LYST: variants seen among roughly 807,000 people sequenced by gnomAD.
The protein encoded by LYST is lysosomal trafficking regulator.
LYST carries 192 observed loss-of-function variants against 413.6 expected under a neutral mutation model. That is an observed-to-expected ratio of 0.46 (90% CI 0.41 to 0.52). The LOEUF (loss-of-function observed/expected upper bound fraction) is 0.52, where lower values mean the gene tolerates loss of function less well. Ranked by LOEUF, LYST falls within the 20% of genes least tolerant of loss-of-function variation. LYST has a pLI of 0.00. For missense variants in LYST, 3,815 were observed against 4,499.9 expected (o/e 0.85, Z 4.35); for synonymous variants, 1,525 against 1,567.3 (o/e 0.97, Z 0.64).
At position 235,851,832 on chromosome 1, in the gene LYST, C is replaced by T. The variant is rs575653853; in HGVS notation, c.-98+15011G>A. On this transcript the variant is annotated intron_variant, in intron 1 of 52. Coordinates refer to ENST00000389793, the MANE Select transcript of LYST (RefSeq NM_000081.4). ...AAATGCAGATCAGGGAAAGATATGA[C>T]ACTTAAAGTTCTAAATTAAATAACT... Among the ~76,000 whole-genome samples, 4 of 152,150 alleles carry T rather than the reference C, an allele frequency of 2.6e-5. No homozygotes were observed. The South Asian group carries it at 6.2e-4, about 24-fold the overall frequency.
chr1:235,792,401 G>A (rs541900373), intron 11 of LYST, among the ~76,000 whole-genome samples: 15 of 151,622 alleles, frequency 9.9e-5, no homozygotes, highest in Middle Eastern at 3.4e-3. Context: ...TGCAACCTCC[G>A]CCTCCCAGGT....
intron 17 of LYST, among the ~76,000 whole-genome samples, chr1:235,776,853 T>C (rs1204591901): frequency 6.6e-6 from 1 of 152,148 alleles, no homozygotes; most frequent in Non-Finnish European, 1.5e-5. Context: ...TTTTGGTTAA[T>C]AGAAAACTTC....
chr1:235,865,062 G>A (rs1221285973), intron 1 of LYST, among the ~76,000 whole-genome samples: 1 of 152,118 alleles, frequency 6.6e-6, no homozygotes, highest in African/African-American at 2.4e-5. Flanking sequence ...TCACCTCTTT[G>A]ACTTTATTTC....
At position 235,762,786 on chromosome 1, in the gene LYST, T is replaced by G. The variant is rs753558003; in HGVS notation, c.6187A>C (p.Arg2063=). 1.2e-6 allele frequency: 2 copies of G among 1,612,910 alleles called. No individual in the cohort carries two copies. The highest frequency in any genetic ancestry group is 2.7e-5 in the African/African-American group (2 of 74,884). The part of the protein sequence containing the change: ...MYLRHSSSGG[R]SLMSPGFMVI... Reference sequence around the variant, plus strand: ...ATAAATCCAGGGCTCATAAGGGACCTTCCTCCACTGCTGGAATGCCTCAGG... The same window carrying G: ...ATAAATCCAGGGCTCATAAGGGACCGTCCTCCACTGCTGGAATGCCTCAGG... Residue 2063 remains arginine, a synonymous_variant, in exon 22 of 53, where the codon AGG becomes CGG. Coordinates refer to ENST00000389793, the MANE Select transcript of LYST (RefSeq NM_000081.4).
chr1:235,735,436 AT>A (rs1392142409), intron 31 of LYST: 1 of 152,106 alleles, frequency 6.6e-6, no homozygotes, highest in Admixed American at 6.5e-5. Flanking sequence ...TAAAACCAAA[AT>A]TCACAGTGTT....
At chr1:235,882,392 G>A (rs922891595) in intron 1 of LYST, among the ~76,000 whole-genome samples, 1 of 152,204 alleles carries the variant, frequency 6.6e-6, no homozygotes, top group Admixed American at 6.5e-5. Flanking sequence ...CCATGCGGAA[G>A]CTTTGGACTT....
At chr1:235,843,200 T>C (rs1677415839) in intron 1 of LYST, among the ~76,000 whole-genome samples, 1 of 152,112 alleles carries the variant, frequency 6.6e-6, no homozygotes, top group African/African-American at 2.4e-5. Flanking sequence ...GGGAAAGGGG[T>C]CCATTGTGCT....
At chr1:235,709,426 A>AAGT in intron 43 of LYST, 118 bp from the exon 44 acceptor site, 2 of 772,482 alleles carry the variant, frequency 2.6e-6, no homozygotes, top group African/African-American at 1.8e-5. Flanking sequence ...CAAAAAAGGG[A>AAGT]ATAGCAAGGA....
At chr1:235,709,070 T>G in intron 44 of LYST, 21 bp downstream of exon 44, 2 of 1,602,246 alleles carry the variant, frequency 1.2e-6, no homozygotes, top group Non-Finnish European at 1.7e-6. Context: ...AAATACAGAT[T>G]GTTTTAAAAG....
At chr1:235,734,446 A>G in intron 32 of LYST, 37 bp downstream of exon 32, 1 of 1,526,724 alleles carries the variant, frequency 6.5e-7, no homozygotes, top group Non-Finnish European at 9.1e-7. Flanking sequence ...TCTATGATGG[A>G]ATCTCCTAAG....
At chr1:235,780,801 C>A (rs1174758062) in intron 16 of LYST, 64 bp downstream of exon 16, 4 of 606,162 alleles carry the variant, frequency 6.6e-6, no homozygotes, top group Non-Finnish European at 1.1e-5. Context: ...CATAACTATA[C>A]ATTACAATAA....
intron 44 of LYST, among the ~76,000 whole-genome samples, chr1:235,705,228 C>T (rs1298493756): frequency 1.3e-5 from 2 of 152,152 alleles, no homozygotes; most frequent in East Asian, 3.8e-4. Flanking sequence ...TGCACTTAAT[C>T]GCCATACTTT....
intron 22 of LYST, among the ~76,000 whole-genome samples, chr1:235,761,964 G>A (rs1026483558): frequency 7.9e-6 from 1 of 126,688 alleles, no homozygotes; most frequent in Non-Finnish European, 1.6e-5. Context: ...CACACACCAG[G>A]GCCTGTTGTC....
intron 3 of LYST, 48 bp from the exon 4 acceptor site, chr1:235,813,109 C>G (rs1344036883): frequency 9.4e-7 from 1 of 1,066,722 alleles, no homozygotes; most frequent in African/African-American, 1.6e-5. Context: ...CGATAAGACA[C>G]ATCAGTTCCT....
At chr1:235,692,061 A>G (rs923565448) in intron 47 of LYST, among the ~76,000 whole-genome samples, 8 of 149,096 alleles carry the variant, frequency 5.4e-5, no homozygotes, top group African/African-American at 1.5e-4. Context: ...GGCTGGGCAC[A>G]GTGGCTCACG....
intron 2 of LYST, among the ~76,000 whole-genome samples, chr1:235,832,934 G>C (rs1676150912): frequency 6.6e-6 from 1 of 152,006 alleles, no homozygotes; most frequent in South Asian, 2.1e-4. Flanking sequence ...TAGGCACATA[G>C]GAAGTGGATT....
intron 23 of LYST, among the ~76,000 whole-genome samples, chr1:235,757,936 A>G (rs1016639277): frequency 9.3e-5 from 14 of 150,182 alleles, no homozygotes; most frequent in African/African-American, 3.4e-4. Flanking sequence ...GAGTCTAGGC[A>G]TGTCAGAAAA....
intron 26 of LYST, 46 bp from the exon 27 acceptor site, chr1:235,752,217 A>C: frequency 1.4e-6 from 2 of 1,418,398 alleles, no homozygotes; most frequent in Non-Finnish European, 2.0e-6. Context: ...TATAAGAAAA[A>C]GAACAAATAA....
At chr1:235,681,034 C>A (rs1659773871) in intron 48 of LYST, among the ~76,000 whole-genome samples, 1 of 152,176 alleles carries the variant, frequency 6.6e-6, no homozygotes, top group South Asian at 2.1e-4. Flanking sequence ...ATACAGAGTT[C>A]CCCTCTGGCA....
Sources: gnomAD v4.1 joint callset for allele counts (sites outside exome capture counted in the v4.1 genomes callset) on GRCh38, gnomAD v4.1.1 for gene constraint, MANE v1.5 for transcripts, NCBI Gene and HGNC (gene_info 2026-07-23, HGNC 2026-07-21) for gene names.